Variants in ARID1B observed in about 807,000 individuals in gnomAD.
ARID1B encodes AT-rich interaction domain 1B, also known as AT-rich interactive domain-containing protein 1B.
A neutral mutation model predicts 212.3 loss-of-function variants in ARID1B; 30 were observed. The ratio of observed to expected loss-of-function variants is 0.14; its 90% CI spans 0.11 to 0.19. ARID1B has a LOEUF of 0.19. Among genes scored for constraint, ARID1B ranks in the 10% least tolerant of loss-of-function variants. The probability of loss-of-function intolerance (pLI) is 1.00; values close to 1 mark genes in which losing one functional copy is unlikely to be tolerated. For missense variants in ARID1B, 2,891 were observed against 3,204.0 expected (o/e 0.90, Z 2.36); for synonymous variants, 1,402 against 1,301.7 (o/e 1.08, Z -1.66).
At chr6:156,931,232 G>A (rs1318929623) in intron 3 of ARID1B, among the ~76,000 whole-genome samples, 6 of 150,802 alleles carry the variant, frequency 4.0e-5, no homozygotes, top group African/African-American at 1.5e-4. Context: ...CTTATACCAT[G>A]GGAATGTTTT....
chr6:157,021,200 A>C (rs957682619), intron 4 of ARID1B, among the ~76,000 whole-genome samples: 1 of 152,224 alleles, frequency 6.6e-6, no homozygotes, highest in Non-Finnish European at 1.5e-5. Context: ...TCCGGTCCTC[A>C]CTGCGCGTCC....
In ARID1B at chr6:157,141,460, CTATT is replaced by C. The variant is rs1005061548; in HGVS notation, c.2762-7159_2762-7156del. On this transcript the variant is annotated intron_variant, in intron 7 of 19. Transcript: ENST00000636930. ...GTATAGTTCAGAAAACAAATTCTCT[CTATT>C]TATTCCCACAAATAGGATTTAATGC... is the stretch of plus-strand genomic sequence containing the variant. Among the ~76,000 whole-genome samples, 15 of 152,310 alleles carry C rather than the reference CTATT, an allele frequency of 9.8e-5. No individual in the cohort carries two copies. The South Asian group carries it at 1.0e-3, about 11-fold the overall frequency.
chr6:157,188,241 A>T (rs1296720047), intron 13 of ARID1B, among the ~76,000 whole-genome samples: 1 of 152,126 alleles, frequency 6.6e-6, no homozygotes, highest in Non-Finnish European at 1.5e-5. Context: ...TTTTTAAAAA[A>T]GTCAGTCTTT....
rs1362951381 is a variant in ARID1B at position 157,206,268 on chromosome 6, A to G, written c.5496A>G (p.Lys1832=). 2.5e-6 allele frequency: 4 copies of G among 1,614,194 alleles called. 1 individual carries two copies. The highest frequency in any genetic ancestry group is 4.5e-5 in the East Asian group (2 of 44,882). Residue 1832 remains lysine (K), a synonymous_variant, in exon 20 of 20, where the codon AAA becomes AAG. Coordinates refer to ENST00000636930, the MANE Select transcript of ARID1B (RefSeq NM_001374828.1). This position sits in a 1 kb window ranked among gnomAD's most constrained non-coding sequence, Gnocchi z 6.8. ...MEYEVGDPSQ[K]ALDHNAARKD... ...ATGAAGTGGGAGACCCCAGCCAAAA[A>G]GCACTTGATCACAACGCAGCAAGGA...
At chr6:157,032,211 T>G (rs1293434424) in intron 4 of ARID1B, among the ~76,000 whole-genome samples, 1 of 152,228 alleles carries the variant, frequency 6.6e-6, no homozygotes, top group Non-Finnish European at 1.5e-5. Flanking sequence ...AATGTCAAAT[T>G]TTTTGTTTTT....
intron 1 of ARID1B, among the ~76,000 whole-genome samples, chr6:156,799,845 GGATACC>G (rs1780656949): frequency 6.6e-6 from 1 of 152,134 alleles, no homozygotes; most frequent in African/African-American, 2.4e-5. Context: ...CCCTCCAAGA[GGATACC>G]ATTTGGTTAG....
At chr6:157,182,035 G>A (rs1004186031) in intron 12 of ARID1B, among the ~76,000 whole-genome samples, 1 of 152,108 alleles carries the variant, frequency 6.6e-6, no homozygotes, top group Admixed American at 6.5e-5. Flanking sequence ...ATCACTTGAG[G>A]CCAGGAGTTG....
chr6:156,907,506 A>G (rs1659025203), intron 3 of ARID1B, among the ~76,000 whole-genome samples: 1 of 152,178 alleles, frequency 6.6e-6, no homozygotes, highest in South Asian at 2.1e-4. Context: ...CACTGGATTC[A>G]GTTTACTAAC....
chr6:157,154,170 G>A (rs1583414967), intron 8 of ARID1B, among the ~76,000 whole-genome samples: 1 of 152,300 alleles, frequency 6.6e-6, no homozygotes, highest in Middle Eastern at 3.4e-3. Flanking sequence ...AGCTCTAGGA[G>A]GAAGCATGAT....
At chr6:156,796,762 C>T (rs904152845) in intron 1 of ARID1B, among the ~76,000 whole-genome samples, 1 of 152,176 alleles carries the variant, frequency 6.6e-6, no homozygotes, top group African/African-American at 2.4e-5. Context: ...CGTCATGCAG[C>T]TGTGGGCGCA....
chr6:156,857,182 G>A (rs1225749199), intron 2 of ARID1B, among the ~76,000 whole-genome samples: 1 of 152,166 alleles, frequency 6.6e-6, no homozygotes, highest in African/African-American at 2.4e-5. Flanking sequence ...TTTTCCAGAC[G>A]AGGAAATTGA....
In ARID1B at chr6:156,779,445, C is replaced by G; in HGVS notation, c.1765C>G (p.Pro589Ala). 1 of 1,456,534 alleles carries G rather than the reference C, an allele frequency of 6.9e-7. No individual in the cohort carries two copies. Among genetic ancestry groups the G allele is most frequent in the Non-Finnish European group, 9.1e-7 (1 of 1,100,578 alleles). The allele number at this position is 1,456,534 out of a possible 1,614,324, so 90.2% of individuals were successfully genotyped here. A position where few individuals can be genotyped will look rare whatever the true frequency, so the allele number is the denominator to read the frequency against. Residue 589 changes from proline to alanine, a missense_variant, in exon 1 of 20, where the codon CCC (proline) becomes GCC (alanine). Physicochemically the swap from Pro to Ala is conservative, Grantham distance 27. Around this residue, in one of 7 missense-constraint regions of ARID1B, gnomAD observed 1,643 missense variants for 1,544.0 expected, o/e 1.06. Coordinates refer to ENST00000636930, the MANE Select transcript of ARID1B (RefSeq NM_001374828.1). ...TCACCCGGCGATGAGCCCCGGCACC[C>G]CCGGACCGACCATGGGCAGATCCCA... ...RSHPAMSPGT[P>A]GPTMGRSQGS...
intron 13 of ARID1B, 108 bp downstream of exon 13, chr6:157,184,543 T>A (rs1159268059): frequency 3.1e-6 from 4 of 1,290,190 alleles, no homozygotes; most frequent in Non-Finnish European, 4.4e-6. Context: ...TTGGGACTTT[T>A]GAGAGGTGGG....
At chr6:156,856,277 G>T (rs1784924497) in intron 2 of ARID1B, among the ~76,000 whole-genome samples, 2 of 152,208 alleles carry the variant, frequency 1.3e-5, no homozygotes, top group Admixed American at 1.3e-4. Context: ...CCATGTATGT[G>T]TGTGTGTATG....
chr6:156,992,027 A>G (rs559064280), intron 4 of ARID1B, among the ~76,000 whole-genome samples: 145 of 152,350 alleles, frequency 9.5e-4, no homozygotes, highest in African/African-American at 3.4e-3. Flanking sequence ...TGTTATGTCT[A>G]AGTAACCTTA....
intron 1 of ARID1B, among the ~76,000 whole-genome samples, chr6:156,826,180 C>CT: frequency 6.6e-6 from 1 of 152,128 alleles, no homozygotes; most frequent in Non-Finnish European, 1.5e-5. Context: ...GGCTGTGGGG[C>CT]CTGGGGCAAA....
intron 6 of ARID1B, among the ~76,000 whole-genome samples, chr6:157,127,783 CAAAAAAAAA>C (rs61172896): frequency 1.6e-4 from 9 of 56,792 alleles, no homozygotes; most frequent in East Asian, 1.3e-3. Context: ...GACTCTGTCT[CAAAAAAAAA>C]AAAAAAAAAA....
chr6:157,061,906 G>A lies in ARID1B; in HGVS notation c.2248-22756G>A, dbSNP rs562622820. On this transcript the variant is annotated intron_variant, in intron 4 of 19. Transcript: ENST00000636930. Reference sequence around the variant, plus strand: ...TGTCTGTGCCATGTTTTTTCCAAACGTGCATCGTGTGGTAGGAGGAAAGTA... The same window carrying A: ...TGTCTGTGCCATGTTTTTTCCAAACATGCATCGTGTGGTAGGAGGAAAGTA... Among the ~76,000 whole-genome samples, 6 of 152,204 alleles carry A rather than the reference G, an allele frequency of 3.9e-5. No individual in the cohort carries two copies. In the East Asian group the frequency reaches 9.6e-4, roughly 24 times the overall value.
intron 4 of ARID1B, among the ~76,000 whole-genome samples, chr6:156,962,073 G>C (rs1026079308): frequency 5.3e-5 from 8 of 152,160 alleles, no homozygotes; most frequent in Non-Finnish European, 1.0e-4. Context: ...GCCGAGGTGG[G>C]TGGATCACGA....
Sources: gnomAD v4.1 joint callset for allele counts (sites outside exome capture counted in the v4.1 genomes callset) on GRCh38, gnomAD v4.1.1 for gene constraint, gnomAD v4.1.1 regional missense constraint, Gnocchi (gnomAD v3.1) non-coding constraint, MANE v1.5 for transcripts, NCBI Gene and HGNC (gene_info 2026-07-23, HGNC 2026-07-21) for gene names.